DPYD: variants seen among roughly 807,000 people sequenced by gnomAD.
DPYD encodes the protein dihydropyrimidine dehydrogenase [NADP(+)].
In DPYD, 109 loss-of-function variants were observed where a neutral mutation model predicts 116.2. That is an observed-to-expected ratio of 0.94 (90% CI 0.80 to 1.10). The LOEUF is 1.10. Among genes scored for constraint, DPYD ranks in the 50% least tolerant of loss-of-function variants. DPYD has a pLI of 0.00. For synonymous variants in DPYD, 440 were observed against 432.0 expected (o/e 1.02, Z -0.23); for missense variants, 1,302 against 1,254.5 (o/e 1.04, Z -0.57).
chr1:97,113,025 A>G (rs972513457), intron 20 of DPYD, among the ~76,000 whole-genome samples: 1 of 152,188 alleles, frequency 6.6e-6, no homozygotes, highest in Non-Finnish European at 1.5e-5. Context: ...CTGTTAACCC[A>G]GAAAGTAACT....
intron 11 of DPYD, among the ~76,000 whole-genome samples, chr1:97,567,409 G>A (rs1302488991): frequency 6.6e-6 from 1 of 151,890 alleles, no homozygotes; most frequent in Non-Finnish European, 1.5e-5. Flanking sequence ...TTGCATTTAA[G>A]ATTCAGAACT....
intron 18 of DPYD, among the ~76,000 whole-genome samples, chr1:97,236,450 G>T (rs11805694): frequency 6.6e-6 from 1 of 151,662 alleles, no homozygotes; most frequent in African/African-American, 2.4e-5. Flanking sequence ...AAAAGTTAAA[G>T]GGCTTTCAAT....
chr1:97,091,628 T>C (rs17116398), intron 21 of DPYD, among the ~76,000 whole-genome samples: 21,851 of 152,098 alleles, frequency 0.14, 1,719 homozygotes, highest in Non-Finnish European at 0.17. Context: ...ATGGGCAAAA[T>C]GGCAGGGACT....
intron 14 of DPYD, among the ~76,000 whole-genome samples, chr1:97,421,858 T>C (rs10875086): frequency 0.58 from 87,806 of 151,942 alleles, 25,548 homozygotes; most frequent in East Asian, 0.79. Context: ...TTCCAAAAAC[T>C]GATATGGGGG....
intron 14 of DPYD, among the ~76,000 whole-genome samples, chr1:97,433,224 G>T (rs561486942): frequency 6.6e-6 from 1 of 152,100 alleles, no homozygotes; most frequent in Non-Finnish European, 1.5e-5. Flanking sequence ...CTTGCCTTAG[G>T]GGGGATATCT....
chr1:97,301,444 A>C (rs1490348223), intron 18 of DPYD, among the ~76,000 whole-genome samples: 1 of 151,996 alleles, frequency 6.6e-6, no homozygotes, highest in African/African-American at 2.4e-5. Flanking sequence ...AGCTTGTGGG[A>C]AGTAAATTAT....
At chr1:97,693,501 C>T (rs1316714506) in intron 6 of DPYD, among the ~76,000 whole-genome samples, 1 of 151,928 alleles carries the variant, frequency 6.6e-6, no homozygotes, top group Non-Finnish European at 1.5e-5. Context: ...AAGAATGTGC[C>T]AGAATGCTCT....
intron 13 of DPYD, among the ~76,000 whole-genome samples, chr1:97,469,176 T>C (rs1677487810): frequency 6.6e-6 from 1 of 152,002 alleles, no homozygotes; most frequent in Non-Finnish European, 1.5e-5. Context: ...AGTCCTAATA[T>C]CTGTAATGTT....
intron 3 of DPYD, among the ~76,000 whole-genome samples, chr1:97,782,992 G>C (rs1441638883): frequency 6.6e-6 from 1 of 152,174 alleles, no homozygotes; most frequent in African/African-American, 2.4e-5. Context: ...GGAGAATTCT[G>C]AAAGCATGGG....
Position 97,423,229 on chromosome 1 carries a change from C to T in DPYD, c.1905+26830G>A, listed in dbSNP as rs1674679231. ...CCAGCTCTCCTATGCTGCCCATATG[C>T]CCATTTTCTTTGACTTGAAGATGGA... On this transcript the variant is annotated intron_variant, in intron 14 of 22. Transcript: ENST00000370192. Among the ~76,000 whole-genome samples the T allele has an allele frequency of 2.6e-5, 4 of 152,022 alleles. No homozygotes were observed. The South Asian group carries it at 6.2e-4, about 24-fold the overall frequency.
At position 97,088,304 on chromosome 1, in the gene DPYD, G is replaced by A. The variant is rs537806036; in HGVS notation, c.2767-5834C>T. 3.3e-5 allele frequency among the ~76,000 whole-genome samples: 5 copies of A among 152,148 alleles called. 1 individual carries two copies. In the South Asian group the frequency reaches 8.3e-4, roughly 25 times the overall value. On this transcript the variant is annotated intron_variant, in intron 21 of 22. Coordinates refer to ENST00000370192, the MANE Select transcript of DPYD (RefSeq NM_000110.4). ...TTGGCCTAATAAACTCTAAGTTAACGTGGAATGGTTACTTTCCTTCAAGAT... is the reference window on the plus strand; with the variant it reads ...TTGGCCTAATAAACTCTAAGTTAACATGGAATGGTTACTTTCCTTCAAGAT...
At chr1:97,106,442 T>C (rs1306766398) in intron 20 of DPYD, among the ~76,000 whole-genome samples, 3 of 152,096 alleles carry the variant, frequency 2.0e-5, no homozygotes, top group African/African-American at 7.2e-5. Flanking sequence ...CATCCCCCAA[T>C]TGGTTGATGG....
chr1:97,285,643 C>T (rs1665624158), intron 18 of DPYD, among the ~76,000 whole-genome samples: 1 of 150,838 alleles, frequency 6.6e-6, no homozygotes, highest in Non-Finnish European at 1.5e-5. Context: ...CTTGGCCATT[C>T]TGACAATTGG....
intron 18 of DPYD, among the ~76,000 whole-genome samples, chr1:97,291,162 G>A (rs1053628485): frequency 6.6e-6 from 1 of 151,858 alleles, no homozygotes; most frequent in African/African-American, 2.4e-5. Context: ...AGTTAGAATG[G>A]CAATCATTAA....
At chr1:97,635,772 C>T (rs931859916) in intron 8 of DPYD, among the ~76,000 whole-genome samples, 12 of 152,064 alleles carry the variant, frequency 7.9e-5, no homozygotes, top group African/African-American at 1.7e-4. Flanking sequence ...GAAATTGTCC[C>T]GTCCCAAAAA....
At chr1:97,629,630 C>T (rs1039810854) in intron 8 of DPYD, among the ~76,000 whole-genome samples, 2 of 151,886 alleles carry the variant, frequency 1.3e-5, no homozygotes, top group African/African-American at 4.8e-5. Flanking sequence ...AAGGTCCCTC[C>T]ACAGACAGGC....
intron 3 of DPYD, among the ~76,000 whole-genome samples, chr1:97,795,146 G>A (rs1484170963): frequency 6.6e-6 from 1 of 152,014 alleles, no homozygotes; most frequent in Non-Finnish European, 1.5e-5. Context: ...ACTTCTTTAT[G>A]TAAAGTTACC....
At chr1:97,904,752 C>T (rs1243586331) in intron 1 of DPYD, among the ~76,000 whole-genome samples, 1 of 152,014 alleles carries the variant, frequency 6.6e-6, no homozygotes. Context: ...CTCCCATGTA[C>T]TTGTGAAATA....
At chr1:97,852,606 A>G (rs4970719) in intron 2 of DPYD, among the ~76,000 whole-genome samples, 109,752 of 152,012 alleles carry the variant, frequency 0.72, 40,253 homozygotes, top group East Asian at 0.93. Context: ...AGTGATTTCC[A>G]TTGTTAAACT....
Sources: gnomAD v4.1 joint callset for allele counts (sites outside exome capture counted in the v4.1 genomes callset) on GRCh38, gnomAD v4.1.1 for gene constraint, MANE v1.5 for transcripts, NCBI Gene and HGNC (gene_info 2026-07-23, HGNC 2026-07-21) for gene names.